KLHL1: variants seen among roughly 807,000 people sequenced by gnomAD.
KLHL1 encodes the protein kelch like family member 1, also known as kelch-like protein 1.
In KLHL1, 47 loss-of-function variants were observed where a neutral mutation model predicts 77.7. The observed-to-expected ratio is 0.60, with a 90% CI of 0.48 to 0.77. The LOEUF (loss-of-function observed/expected upper bound fraction) is 0.77. KLHL1 is among the 30% of genes least tolerant of loss of function. KLHL1 has a pLI of 0.00. For synonymous variants in KLHL1, 360 were observed against 325.2 expected (o/e 1.11, Z -1.15); for missense variants, 925 against 910.8 (o/e 1.02, Z -0.20).
chr13:69,950,230 A>G (rs1334576167), intron 3 of KLHL1, among the ~76,000 whole-genome samples: 3 of 151,686 alleles, frequency 2.0e-5, no homozygotes, highest in Non-Finnish European at 3.0e-5. Flanking sequence ...CCTTATACCT[A>G]TAAAAGTCCA....
At chr13:69,850,380 G>C (rs568536270) in intron 5 of KLHL1, among the ~76,000 whole-genome samples, 1 of 151,336 alleles carries the variant, frequency 6.6e-6, no homozygotes, top group Non-Finnish European at 1.5e-5. Context: ...TGAGATCCCT[G>C]GCTCATTGAT....
intron 8 of KLHL1, among the ~76,000 whole-genome samples, chr13:69,728,453 C>A (rs1307186924): frequency 6.6e-6 from 1 of 151,764 alleles, no homozygotes; most frequent in Non-Finnish European, 1.5e-5. Flanking sequence ...GTCTCTGTCT[C>A]CCAGGCTGGA....
chr13:69,837,639 T>C (rs1879063981), intron 6 of KLHL1, among the ~76,000 whole-genome samples: 1 of 130,354 alleles, frequency 7.7e-6, no homozygotes, highest in African/African-American at 3.3e-5. Flanking sequence ...TGTATATATA[T>C]ATATGTGTAT....
chr13:69,995,466 C>T (rs1885128792), intron 1 of KLHL1, among the ~76,000 whole-genome samples: 1 of 152,102 alleles, frequency 6.6e-6, no homozygotes, highest in Non-Finnish European at 1.5e-5. Flanking sequence ...ATTATGCTCT[C>T]TCTCCAAGTT....
chr13:70,027,024 T>C (rs1032156383), intron 1 of KLHL1, among the ~76,000 whole-genome samples: 14 of 152,154 alleles, frequency 9.2e-5, no homozygotes, highest in Admixed American at 7.9e-4. Context: ...GAGCTTCAGG[T>C]GCATCACAAT....
At chr13:70,073,283 T>C (rs1010905927) in intron 1 of KLHL1, among the ~76,000 whole-genome samples, 22 of 151,960 alleles carry the variant, frequency 1.4e-4, no homozygotes, top group African/African-American at 5.3e-4. Flanking sequence ...CTGGAAACCA[T>C]CATTCTCAGC....
intron 4 of KLHL1, among the ~76,000 whole-genome samples, chr13:69,899,097 A>G (rs1465229882): frequency 1.3e-5 from 2 of 151,960 alleles, no homozygotes; most frequent in African/African-American, 4.8e-5. Flanking sequence ...CAAACTCAGG[A>G]AGGTTGTAAG....
chr13:69,928,334 T>G (rs1266528352), intron 4 of KLHL1, among the ~76,000 whole-genome samples: 1 of 152,204 alleles, frequency 6.6e-6, no homozygotes, highest in African/African-American at 2.4e-5. Flanking sequence ...AACATCCGAT[T>G]CCCTAACTTT....
intron 6 of KLHL1, among the ~76,000 whole-genome samples, chr13:69,837,201 TC>T (rs1879032785): frequency 6.6e-6 from 1 of 151,866 alleles, no homozygotes; most frequent in Non-Finnish European, 1.5e-5. Flanking sequence ...TAATTTTTCA[TC>T]TAGGTGTATA....
At chr13:69,861,435 C>T (rs956822036) in intron 5 of KLHL1, among the ~76,000 whole-genome samples, 1 of 152,004 alleles carries the variant, frequency 6.6e-6, no homozygotes, top group African/African-American at 2.4e-5. Context: ...TACTACACAT[C>T]TATATGCAAT....
intron 5 of KLHL1, among the ~76,000 whole-genome samples, chr13:69,860,160 T>A (rs535509780): frequency 3.1e-4 from 47 of 152,096 alleles, no homozygotes; most frequent in Non-Finnish European, 3.7e-4. Context: ...AAATATATGT[T>A]AAGTGTCTAT....
intron 10 of KLHL1, 152 bp from the exon 11 acceptor site, chr13:69,701,913 A>G: frequency 2.0e-6 from 1 of 505,052 alleles, no homozygotes; most frequent in South Asian, 5.3e-5. Context: ...GAAAACACTG[A>G]AAATGGCATT....
At chr13:70,072,590 C>A (rs181195687) in intron 1 of KLHL1, among the ~76,000 whole-genome samples, 1 of 151,946 alleles carries the variant, frequency 6.6e-6, no homozygotes, top group South Asian at 2.1e-4. Context: ...TAATTATACA[C>A]CTGTGGCCAG....
intron 1 of KLHL1, among the ~76,000 whole-genome samples, chr13:70,093,183 T>C (rs1887708613): frequency 6.6e-6 from 1 of 152,062 alleles, no homozygotes; most frequent in South Asian, 2.1e-4. Flanking sequence ...GAAAATACGA[T>C]TTGAGGACAA....
intron 1 of KLHL1, among the ~76,000 whole-genome samples, chr13:70,097,586 T>C (rs116226159): frequency 6.6e-6 from 1 of 152,036 alleles, no homozygotes; most frequent in Non-Finnish European, 1.5e-5. Flanking sequence ...GACCTCTTTA[T>C]GTAGAATCTA....
intron 1 of KLHL1, among the ~76,000 whole-genome samples, chr13:69,989,430 A>G (rs543130169): frequency 6.6e-6 from 1 of 151,992 alleles, no homozygotes; most frequent in Non-Finnish European, 1.5e-5. Context: ...TGCTTAGAAT[A>G]GTTTTGAGTA....
rs1014397923 is a variant in KLHL1, at chr13:69,912,679, G to A, written c.1014+27361C>T. 2.6e-5 allele frequency among the ~76,000 whole-genome samples: 4 copies of A among 152,256 alleles called. No homozygotes were observed. The South Asian group carries it at 6.2e-4, about 24-fold the overall frequency. On this transcript the variant is annotated intron_variant, in intron 4 of 10. Coordinates refer to ENST00000377844, the MANE Select transcript of KLHL1 (RefSeq NM_020866.3). ...AGTTTGTAAGAACACAGCTGTTGTAGTGTTTCCCAGCTCCATTAGGCCAAG... is the reference window on the plus strand; with the variant it reads ...AGTTTGTAAGAACACAGCTGTTGTAATGTTTCCCAGCTCCATTAGGCCAAG...
intron 3 of KLHL1, among the ~76,000 whole-genome samples, chr13:69,951,983 T>C (rs372152680): frequency 1.3e-5 from 2 of 151,446 alleles, no homozygotes; most frequent in Admixed American, 1.3e-4. Context: ...AGTTATGTCA[T>C]AGATTATGTG....
At chr13:70,075,569 G>GTGTATATATATATATATATATA (rs761519216) in intron 1 of KLHL1, among the ~76,000 whole-genome samples, 10 of 106,624 alleles carry the variant, frequency 9.4e-5, no homozygotes, top group South Asian at 2.8e-4. Flanking sequence ...GTGTGTATGT[G>GTGTATATATATATATATATATA]TATATATATA....
Sources: allele counts gnomAD v4.1 joint callset (sites outside exome capture counted in the v4.1 genomes callset), GRCh38; gene constraint gnomAD v4.1.1; transcripts MANE v1.5; gene names NCBI Gene and HGNC (gene_info 2026-07-23, HGNC 2026-07-21).